The following SCFD1 variants were observed in gnomAD, a reference collection of about 807,000 sequenced individuals.
The protein encoded by SCFD1 is sec1 family domain-containing protein 1.
A neutral mutation model predicts 103.2 loss-of-function variants in SCFD1; 37 were observed. The ratio of observed to expected loss-of-function variants is 0.36; its 90% CI spans 0.28 to 0.47. SCFD1 has a LOEUF of 0.47. Ranked by LOEUF, SCFD1 falls within the 20% of genes least tolerant of loss-of-function variation. The pLI is 1.00. For missense variants in SCFD1, 639 were observed against 761.2 expected, an observed-to-expected ratio of 0.84 and a Z score of 1.89; for synonymous variants, 264 against 245.0, an observed-to-expected ratio of 1.08 and a Z score of -0.73.
intron 14 of SCFD1, among the ~76,000 whole-genome samples, chr14:30,684,725 ATTC>A (rs1334651091): frequency 1.8e-5 from 1 of 56,418 alleles, no homozygotes; most frequent in Non-Finnish European, 3.5e-5. Context: ...TTACTCACTT[ATTC>A]TTTTTTTTTT....
chr14:30,724,245 G>GTTTTTT lies in SCFD1; in HGVS notation c.1836+1708_1836+1713dup, dbSNP rs58612669. ...ATGTCCTTTGCCCACTTTTTTATGG[G>GTTTTTT]TTTTTTTTTTTTTTTTTTTTTTTTT... is the stretch of plus-strand genomic sequence containing the variant. On this transcript the variant is annotated intron_variant, in intron 23 of 24. Transcript: ENST00000458591. 5.0e-3 allele frequency among the ~76,000 whole-genome samples: 350 copies of GTTTTTT among 69,680 alleles called. 29 individuals carry two copies. The highest frequency in any genetic ancestry group is 0.023 in the African/African-American group (331 of 14,596). The allele number at this position is 69,680 out of a possible 152,430, so 45.7% of individuals were successfully genotyped here.
intron 4 of SCFD1, chr14:30,634,981 A>C: frequency 2.2e-6 from 1 of 455,956 alleles, no homozygotes; most frequent in Non-Finnish European, 4.4e-6. Flanking sequence ...ACCCCAAAGA[A>C]AATCTAGCAA....
chr14:30,712,728 A>C (rs369665057), intron 19 of SCFD1, among the ~76,000 whole-genome samples: 1 of 152,326 alleles, frequency 6.6e-6, no homozygotes, highest in East Asian at 1.9e-4. Flanking sequence ...AATTTAGGAT[A>C]TTCCTGTGTA....
chr14:30,681,220 C>G (rs200737566), intron 14 of SCFD1, among the ~76,000 whole-genome samples: 12 of 98,292 alleles, frequency 1.2e-4, no homozygotes, highest in African/African-American at 4.2e-4. Context: ...GACTCTGTCT[C>G]AAAAAAAAAA....
chr14:30,668,518 G>A (rs1161332551), intron 10 of SCFD1, among the ~76,000 whole-genome samples: 2 of 152,228 alleles, frequency 1.3e-5, no homozygotes, highest in East Asian at 1.9e-4. Context: ...AACACCAAAA[G>A]CAATGGCAAC....
intron 23 of SCFD1, among the ~76,000 whole-genome samples, chr14:30,726,033 T>C (rs1893019128): frequency 6.6e-6 from 1 of 152,158 alleles, no homozygotes; most frequent in South Asian, 2.1e-4. Flanking sequence ...AAACACATGG[T>C]TGCAATAGAC....
At chr14:30,705,778 T>A (rs1034530354) in intron 17 of SCFD1, 45 bp from the exon 18 acceptor site, 1 of 1,419,210 alleles carries the variant, frequency 7.0e-7, no homozygotes, top group Non-Finnish European at 1.0e-6. Context: ...CACCCAGAGT[T>A]AGTTCTAATA....
At chr14:30,634,693 A>G (rs1310567394) in intron 4 of SCFD1, 4 of 403,476 alleles carry the variant, frequency 9.9e-6, no homozygotes, top group Non-Finnish European at 1.9e-5. Flanking sequence ...ACACTGGTGC[A>G]GAAGTACTAT....
chr14:30,666,990 G>C (rs919142850), intron 10 of SCFD1, among the ~76,000 whole-genome samples: 1 of 152,164 alleles, frequency 6.6e-6, no homozygotes, highest in African/African-American at 2.4e-5. Context: ...AGAGAAGCTG[G>C]TACCATTCCT....
intron 18 of SCFD1, 47 bp downstream of exon 18, chr14:30,705,932 A>G (rs1891438278): frequency 1.4e-6 from 2 of 1,466,490 alleles, no homozygotes; most frequent in Non-Finnish European, 1.9e-6. Flanking sequence ...TCAAAACCTT[A>G]CTTAGACTTT....
At chr14:30,714,106 G>A (rs977153047) in intron 19 of SCFD1, among the ~76,000 whole-genome samples, 1 of 151,978 alleles carries the variant, frequency 6.6e-6, no homozygotes, top group Non-Finnish European at 1.5e-5. Context: ...CCAGCACTTT[G>A]GGAGGCCGAG....
chr14:30,711,515 G>A (rs367929653), intron 19 of SCFD1, among the ~76,000 whole-genome samples: 10 of 152,216 alleles, frequency 6.6e-5, no homozygotes, highest in South Asian at 2.1e-4. Context: ...GGAGGATCAC[G>A]TGAGCCTGGG....
intron 14 of SCFD1, among the ~76,000 whole-genome samples, chr14:30,692,008 C>T (rs1890347836): frequency 1.3e-5 from 2 of 151,626 alleles, no homozygotes; most frequent in African/African-American, 4.9e-5. Context: ...TAGTCTCAAA[C>T]TCCCAAGGCT....
intron 10 of SCFD1, 35 bp from the exon 11 acceptor site, chr14:30,670,221 A>G (rs761424165): frequency 9.9e-6 from 15 of 1,514,762 alleles, no homozygotes; most frequent in Non-Finnish European, 1.3e-5. Flanking sequence ...TAGACTTAGA[A>G]AACAGTTGTT....
chr14:30,697,448 G>A (rs775276539), intron 15 of SCFD1, among the ~76,000 whole-genome samples: 1 of 152,144 alleles, frequency 6.6e-6, no homozygotes, highest in Non-Finnish European at 1.5e-5. Context: ...AATTTCATAG[G>A]ATATTTATGC....
chr14:30,649,485 A>T, intron 7 of SCFD1, 43 bp from the exon 8 acceptor site: 1 of 1,323,162 alleles, frequency 7.6e-7, no homozygotes, highest in Non-Finnish European at 1.1e-6. Context: ...TATCTATTTT[A>T]ATTAAGAGCC....
chr14:30,652,737 TA>T (rs1886519554), intron 9 of SCFD1, among the ~76,000 whole-genome samples: 1 of 152,192 alleles, frequency 6.6e-6, no homozygotes. Flanking sequence ...CAGGGCATGA[TA>T]GTTCACACCT....
chr14:30,714,436 C>T (rs1316616713), intron 19 of SCFD1, among the ~76,000 whole-genome samples: 3 of 150,898 alleles, frequency 2.0e-5, no homozygotes, highest in African/African-American at 7.3e-5. Context: ...GAAGTATATT[C>T]AGACAGCTTG....
At chr14:30,672,319 G>A (rs1888627550) in intron 11 of SCFD1, among the ~76,000 whole-genome samples, 1 of 152,178 alleles carries the variant, frequency 6.6e-6, no homozygotes. Flanking sequence ...TGGAGCTGGA[G>A]TAAATGCCTG....
Sources: allele counts gnomAD v4.1 joint callset (sites outside exome capture counted in the v4.1 genomes callset), GRCh38; gene constraint gnomAD v4.1.1; transcripts MANE v1.5; gene names NCBI Gene and HGNC (gene_info 2026-07-23, HGNC 2026-07-21).